The following TTLL5 variants were observed in gnomAD, a reference collection of about 807,000 sequenced individuals.
The protein encoded by TTLL5 is tubulin tyrosine ligase like 5.
A neutral mutation model predicts 168.4 loss-of-function variants in TTLL5; 132 were observed. The ratio of observed to expected loss-of-function variants is 0.78; its 90% CI spans 0.68 to 0.91. The LOEUF is 0.91. Ranked by LOEUF, TTLL5 falls within the 40% of genes least tolerant of loss-of-function variation. TTLL5 has a pLI of 0.00. For missense variants in TTLL5, 1,545 were observed against 1,581.5 expected (o/e 0.98, Z 0.39); for synonymous variants, 546 against 558.6 (o/e 0.98, Z 0.32).
At chr14:75,710,399 TACACACACACAC>T (rs34988364) in intron 9 of TTLL5, 12 of 146,004 alleles carry the variant, frequency 8.2e-5, no homozygotes, top group African/African-American at 1.3e-4. Context: ...AAAAAATTTA[TACACACACACAC>T]ACACACACAC....
At chr14:75,895,339 G>A (rs1799276401) in intron 30 of TTLL5, among the ~76,000 whole-genome samples, 1 of 152,012 alleles carries the variant, frequency 6.6e-6, no homozygotes, top group Admixed American at 6.5e-5. Context: ...AGCCTGAAAA[G>A]CAGTTACAGC....
chr14:75,692,828 C>G lies in TTLL5; in HGVS notation c.502+2506C>G, dbSNP rs184112363. The stretch of plus-strand genomic sequence containing the variant: ...GGGTAGAGGAATGTTACATTTTGGA[C>G]AGGGTATGGATTTGGATGTCGATGG... On this transcript the variant is annotated intron_variant, in intron 6 of 31. Transcript: ENST00000298832. 5.0e-4 allele frequency among the ~76,000 whole-genome samples: 76 copies of G among 152,134 alleles called. 1 individual carries two copies. In the East Asian group the frequency reaches 0.013, roughly 26 times the overall value.
intron 2 of TTLL5, among the ~76,000 whole-genome samples, chr14:75,668,431 C>T (rs1477543826): frequency 2.6e-5 from 4 of 152,228 alleles, no homozygotes; most frequent in East Asian, 1.9e-4. Flanking sequence ...GATATGAGAG[C>T]TCTTAGTTTA....
In TTLL5 at chr14:75,663,174, C is replaced by G. The variant is rs747924529; in HGVS notation, c.25C>G (p.Leu9Val). 17 of 1,613,738 alleles carry G rather than the reference C, an allele frequency of 1.1e-5. No homozygotes were observed. The African/African-American group carries it at 1.6e-4, about 15-fold the overall frequency. The change falls in exon 2 of 32, where the codon CTG becomes GTG. Residue 9 changes from leucine to valine, a missense_variant. Coordinates refer to ENST00000298832, the MANE Select transcript of TTLL5 (RefSeq NM_015072.5). MPIVMARD[L>V]EETASSSEDE... is the part of the protein sequence containing the mutation. Reference sequence around the variant, plus strand: ...AATGCCAATCGTGATGGCCCGGGACCTGGAGGAAACAGCATCATCCTCAGA... The same window carrying G: ...AATGCCAATCGTGATGGCCCGGGACGTGGAGGAAACAGCATCATCCTCAGA...
rs912415973 is a variant in TTLL5 at position 75,685,536 on chromosome 14, G to A, written c.371+1880G>A. Among the ~76,000 whole-genome samples, 5 of 152,192 alleles carry A rather than the reference G, an allele frequency of 3.3e-5. No homozygotes were observed. In the South Asian group the frequency reaches 1.0e-3, roughly 31 times the overall value. ...TAGTTTCCCCAAATTATTCTAGGAT[G>A]TACCAAGCAAAGAAGTTTGAAAACC... On this transcript the variant is annotated intron_variant, in intron 5 of 31. Coordinates refer to ENST00000298832, the MANE Select transcript of TTLL5 (RefSeq NM_015072.5).
intron 15 of TTLL5, 75 bp downstream of exon 15, chr14:75,735,364 A>G (rs1173335453): frequency 1.5e-5 from 22 of 1,435,470 alleles, no homozygotes; most frequent in Non-Finnish European, 2.2e-5. Context: ...GTGGGAGCAG[A>G]AGCACTGTGG....
Position 75,796,779 on chromosome 14 carries a change from G to A in TTLL5, c.3171+3679G>A, listed in dbSNP as rs141238848. ...CTGGGTTTTCTATTCTGTTCTATTG[G>A]TCTATGTGCCTATTTTTATACCAGT... On this transcript the variant is annotated intron_variant, in intron 27 of 31. Transcript: ENST00000298832. 8.3e-3 allele frequency among the ~76,000 whole-genome samples: 1,264 copies of A among 152,064 alleles called. 16 individuals are homozygous for A. The highest frequency in any genetic ancestry group is 0.029 in the African/African-American group (1,191 of 41,490).
rs376410306 is a variant in TTLL5 at position 75,917,715 on chromosome 14, G to A, written c.3823+15491G>A. 1.5e-3 allele frequency among the ~76,000 whole-genome samples: 225 copies of A among 152,270 alleles called. 4 individuals are homozygous for A. In the South Asian group the frequency reaches 0.026, roughly 18 times the overall value. ...GGGATCTTTCCCACATGCCCGAACCGCCTTCGAAGGGACAGCAGTTCTGGT... is the reference window on the plus strand; with the variant it reads ...GGGATCTTTCCCACATGCCCGAACCACCTTCGAAGGGACAGCAGTTCTGGT... On this transcript the variant is annotated intron_variant, in intron 31 of 31. Coordinates refer to ENST00000298832, the MANE Select transcript of TTLL5 (RefSeq NM_015072.5).
chr14:75,808,083 CCT>C lies in TTLL5; in HGVS notation c.3172-11923_3172-11922del, dbSNP rs747991859. ...TCTTATGATGGCAGCAGCAACTCCCCCTGTCAACACACAAAATCTACATGTAT... is the reference window on the plus strand; with the variant it reads ...TCTTATGATGGCAGCAGCAACTCCCCGTCAACACACAAAATCTACATGTAT... On this transcript the variant is annotated intron_variant, in intron 27 of 31. Transcript: ENST00000298832. Among the ~76,000 whole-genome samples, 3 of 152,256 alleles carry C rather than the reference CCT, an allele frequency of 2.0e-5. No homozygotes were observed. In the South Asian group the frequency reaches 6.2e-4, roughly 32 times the overall value.
At chr14:75,801,460 G>A (rs1321462129) in intron 27 of TTLL5, among the ~76,000 whole-genome samples, 1 of 152,066 alleles carries the variant, frequency 6.6e-6, no homozygotes, top group African/African-American at 2.4e-5. Context: ...TCCTTTCTTT[G>A]TATTACAGAC....
At chr14:75,809,884 A>T (rs1219443159) in intron 27 of TTLL5, among the ~76,000 whole-genome samples, 1 of 152,220 alleles carries the variant, frequency 6.6e-6, no homozygotes, top group Non-Finnish European at 1.5e-5. Flanking sequence ...TATGTTCTGC[A>T]AATGACAGGA....
intron 12 of TTLL5, among the ~76,000 whole-genome samples, chr14:75,726,830 GT>G (rs1205160317): frequency 6.6e-6 from 1 of 152,126 alleles, no homozygotes; most frequent in South Asian, 2.1e-4. Flanking sequence ...GCCACTGGAA[GT>G]TTTTGAGCAG....
chr14:75,700,401 GT>G (rs1187744965), intron 7 of TTLL5, among the ~76,000 whole-genome samples: 1 of 152,224 alleles, frequency 6.6e-6, no homozygotes, highest in Non-Finnish European at 1.5e-5. Flanking sequence ...AAATGATGGA[GT>G]TTAACTGGTA....
At chr14:75,914,631 T>G (rs2033537927) in intron 31 of TTLL5, among the ~76,000 whole-genome samples, 1 of 147,664 alleles carries the variant, frequency 6.8e-6, no homozygotes, top group African/African-American at 2.5e-5. Flanking sequence ...TTTTTTTTTT[T>G]TTTTTTTTTT....
At chr14:75,681,658 T>G (rs747364578) in intron 4 of TTLL5, 31 bp downstream of exon 4, 162 of 1,590,536 alleles carry the variant, frequency 1.0e-4, no homozygotes, top group Non-Finnish European at 1.3e-4. Flanking sequence ...TCACCTGATC[T>G]GCTCATAAGC....
At chr14:75,747,163 G>T (rs1016349833) in intron 17 of TTLL5, among the ~76,000 whole-genome samples, 1 of 151,226 alleles carries the variant, frequency 6.6e-6, no homozygotes, top group African/African-American at 2.4e-5. Context: ...TTGTATTTCT[G>T]TGTGTCTCTA....
At chr14:75,898,693 A>C (rs1371608344) in intron 30 of TTLL5, among the ~76,000 whole-genome samples, 1 of 152,178 alleles carries the variant, frequency 6.6e-6, no homozygotes, top group Non-Finnish European at 1.5e-5. Context: ...CCCATAATAC[A>C]AGCCTACTTT....
intron 31 of TTLL5, among the ~76,000 whole-genome samples, chr14:75,950,143 C>T (rs985112478): frequency 2.0e-5 from 3 of 152,064 alleles, no homozygotes; most frequent in Non-Finnish European, 2.9e-5. Flanking sequence ...AAATAACTTA[C>T]GACCAAGACA....
intron 29 of TTLL5, among the ~76,000 whole-genome samples, chr14:75,882,483 A>G (rs754959711): frequency 9.2e-5 from 14 of 152,154 alleles, no homozygotes; most frequent in Admixed American, 2.0e-4. Flanking sequence ...CAACAAGACC[A>G]TTTCAACAAT....
Sources: gnomAD v4.1 joint callset for allele counts (sites outside exome capture counted in the v4.1 genomes callset) on GRCh38, gnomAD v4.1.1 for gene constraint, MANE v1.5 for transcripts, NCBI Gene and HGNC (gene_info 2026-07-23, HGNC 2026-07-21) for gene names.